Variants in KCTD1 observed in about 807,000 individuals in gnomAD.
KCTD1 encodes potassium channel tetramerization domain containing 1.
In KCTD1, 24 loss-of-function variants were observed where a neutral mutation model predicts 66.0. That is an observed-to-expected ratio of 0.36 (90% CI 0.26 to 0.51). The LOEUF (loss-of-function observed/expected upper bound fraction) is 0.51, where lower values mean the gene tolerates loss of function less well. KCTD1 is among the 20% of genes least tolerant of loss of function. The pLI, the probability that KCTD1 is intolerant of heterozygous loss-of-function variation, is 0.95. For missense variants in KCTD1, 943 were observed against 1,205.2 expected (o/e 0.78, Z 3.22); for synonymous variants, 511 against 517.2 (o/e 0.99, Z 0.16).
At position 26,525,136 on chromosome 18, in the gene KCTD1, T is replaced by C. The variant is rs143294276; in HGVS notation, c.1809+21592A>G. Among the ~76,000 whole-genome samples, 15 of 152,268 alleles carry C rather than the reference T, an allele frequency of 9.9e-5. No individual in the cohort carries two copies. In the East Asian group the frequency reaches 2.9e-3, roughly 29 times the overall value. On this transcript the variant is annotated intron_variant, in intron 1 of 4. Coordinates refer to ENST00000580059, the MANE Select transcript of KCTD1 (RefSeq NM_001142730.3). ...GATCCAAACAGCAACTTTAAAAATCTTGGTTTCTTTTGCACGTGCAACTCT... is the reference window on the plus strand; with the variant it reads ...GATCCAAACAGCAACTTTAAAAATCCTGGTTTCTTTTGCACGTGCAACTCT...
At chr18:26,640,738 G>A (rs920179177), upstream of KCTD1, among the ~76,000 whole-genome samples, 1 of 152,156 alleles carries the variant, frequency 6.6e-6, no homozygotes, top group African/African-American at 2.4e-5. Context: ...TGTGCTGTCT[G>A]TCAAGTGGGG....
In KCTD1 at chr18:26,496,326, T is replaced by A. The variant is rs921818745; in HGVS notation, c.1988+4746A>T. ...ATCTTCTTTATCCATTTATAATTCT[T>A]TTTTGGTGGTAATATATTTTTCTTG... On this transcript the variant is annotated intron_variant, in intron 2 of 4. Transcript: ENST00000580059. Among the ~76,000 whole-genome samples, 8 of 152,324 alleles carry A rather than the reference T, an allele frequency of 5.3e-5. No homozygotes were observed. In the East Asian group the frequency reaches 1.3e-3, roughly 26 times the overall value.
chr18:26,593,438 G>GGAA (rs1986669826), intron 1 of KCTD1, among the ~76,000 whole-genome samples: 1 of 136,898 alleles, frequency 7.3e-6, no homozygotes, highest in African/African-American at 2.8e-5. Context: ...AGGAGGAGGA[G>GGAA]GAAGACAAGG....
At chr18:26,646,515 G>T (rs1227731057) in intron 1 of KCTD1, among the ~76,000 whole-genome samples, 1 of 152,272 alleles carries the variant, frequency 6.6e-6, no homozygotes, top group East Asian at 1.9e-4. Context: ...CTCCTTAGCA[G>T]AATAATTTGG....
At chr18:26,545,105 T>G (rs962214598) in intron 1 of KCTD1, 4 of 152,214 alleles carry the variant, frequency 2.6e-5, no homozygotes, top group African/African-American at 7.2e-5. Flanking sequence ...CAATTCTATA[T>G]TACACTGGTG....
At chr18:26,529,592 T>C (rs1331154228) in intron 1 of KCTD1, among the ~76,000 whole-genome samples, 14 of 152,180 alleles carry the variant, frequency 9.2e-5, no homozygotes. Context: ...CAAGAGAAAC[T>C]AACCGTTGAA....
At chr18:26,559,681 T>C (rs1275691802) in intron 1 of KCTD1, among the ~76,000 whole-genome samples, 2 of 152,204 alleles carry the variant, frequency 1.3e-5, no homozygotes, top group Non-Finnish European at 2.9e-5. Context: ...GTTCAGAATC[T>C]TTTTTATGGC....
intron 1 of KCTD1, among the ~76,000 whole-genome samples, chr18:26,625,294 G>A (rs1313543743): frequency 2.0e-5 from 3 of 152,036 alleles, no homozygotes; most frequent in Admixed American, 2.0e-4. Flanking sequence ...GGCGGGGGAG[G>A]AACGATATGG....
At chr18:26,649,408 A>G (rs1051834741) in intron 1 of KCTD1, among the ~76,000 whole-genome samples, 10 of 152,104 alleles carry the variant, frequency 6.6e-5, no homozygotes, top group Non-Finnish European at 1.5e-4. Context: ...TCCCTGCCCC[A>G]CAGCCCAGGA....
intron 1 of KCTD1, among the ~76,000 whole-genome samples, chr18:26,568,576 T>C (rs1986035249): frequency 6.8e-6 from 1 of 147,902 alleles, no homozygotes. Context: ...TCCTACAACA[T>C]AAAAAAAAAA....
upstream of KCTD1, among the ~76,000 whole-genome samples, chr18:26,633,615 C>A (rs1280622402): frequency 1.3e-5 from 2 of 151,878 alleles, no homozygotes; most frequent in Admixed American, 1.3e-4. Context: ...TACTTGTAAC[C>A]CAAACTGCAA....
chr18:26,509,388 TA>T (rs1983220491), intron 1 of KCTD1, among the ~76,000 whole-genome samples: 1 of 152,012 alleles, frequency 6.6e-6, no homozygotes, highest in African/African-American at 2.4e-5. Context: ...AAGAATATAA[TA>T]AAATTTTTTT....
At chr18:26,464,987 G>T (rs1418704421) in intron 3 of KCTD1, among the ~76,000 whole-genome samples, 3 of 152,208 alleles carry the variant, frequency 2.0e-5, no homozygotes, top group Non-Finnish European at 4.4e-5. Flanking sequence ...TGTTTATCTT[G>T]TCGGGGATGG....
chr18:26,496,961 G>A (rs1982508940), intron 2 of KCTD1, among the ~76,000 whole-genome samples: 1 of 152,162 alleles, frequency 6.6e-6, no homozygotes, highest in African/African-American at 2.4e-5. Context: ...GAAAACTGCA[G>A]AGGTTCCTAT....
At chr18:26,616,047 T>A (rs1448259502) in intron 1 of KCTD1, among the ~76,000 whole-genome samples, 1 of 151,978 alleles carries the variant, frequency 6.6e-6, no homozygotes, top group Non-Finnish European at 1.5e-5. Context: ...TGCCTCACCC[T>A]CCCAAAGTGC....
chr18:26,488,857 T>G (rs1982048058), intron 2 of KCTD1, among the ~76,000 whole-genome samples: 1 of 152,224 alleles, frequency 6.6e-6, no homozygotes, highest in Non-Finnish European at 1.5e-5. Context: ...TCTTTTCCAC[T>G]GATACCACGT....
chr18:26,645,577 T>C (rs1024848721), intron 1 of KCTD1, among the ~76,000 whole-genome samples: 5 of 152,084 alleles, frequency 3.3e-5, no homozygotes, highest in African/African-American at 1.2e-4. Flanking sequence ...ATTATTATTA[T>C]TGTAGAGATG....
chr18:26,553,971 A>G (rs1233383237), intron 1 of KCTD1, among the ~76,000 whole-genome samples: 2 of 152,002 alleles, frequency 1.3e-5, no homozygotes, highest in Non-Finnish European at 2.9e-5. Flanking sequence ...AGAGAAAGAG[A>G]GACAGAGAGA....
At chr18:26,470,988 T>G (rs1007125839) in intron 3 of KCTD1, among the ~76,000 whole-genome samples, 9 of 152,180 alleles carry the variant, frequency 5.9e-5, no homozygotes, top group African/African-American at 2.2e-4. Flanking sequence ...TTTCTGGGCC[T>G]TGTGGGCTCT....
Sources: gnomAD v4.1 joint callset for allele counts (sites outside exome capture counted in the v4.1 genomes callset) on GRCh38, gnomAD v4.1.1 for gene constraint, MANE v1.5 for transcripts, NCBI Gene and HGNC (gene_info 2026-07-23, HGNC 2026-07-21) for gene names.